ST8SIA2: variants seen among roughly 807,000 people sequenced by gnomAD.
ST8SIA2 encodes the protein alpha-2,8-sialyltransferase 8B.
A neutral mutation model predicts 37.6 loss-of-function variants in ST8SIA2; 22 were observed. The ratio of observed to expected loss-of-function variants is 0.58; its 90% CI spans 0.42 to 0.83. The LOEUF (loss-of-function observed/expected upper bound fraction) is 0.83. ST8SIA2 is among the 40% of genes least tolerant of loss of function. ST8SIA2 has a pLI of 0.00. For synonymous variants in ST8SIA2, 205 were observed against 201.2 expected, an observed-to-expected ratio of 1.02 and a Z score of -0.16; for missense variants, 382 against 484.7, an observed-to-expected ratio of 0.79 and a Z score of 1.99.
At chr15:92,434,407 G>T in intron 3 of ST8SIA2, 32 bp downstream of exon 3, 1 of 1,614,016 alleles carries the variant, frequency 6.2e-7, no homozygotes, top group Non-Finnish European at 8.5e-7. Context: ...ACAAGAGGTA[G>T]ACTTGGTCTT....
chr15:92,451,641 G>A (rs1049165753), intron 5 of ST8SIA2, among the ~76,000 whole-genome samples: 10 of 152,140 alleles, frequency 6.6e-5, no homozygotes, highest in Admixed American at 1.3e-4. Flanking sequence ...TGCTGCTCTC[G>A]ATGGCTTGCC....
chr15:92,448,716 T>C (rs899315835), intron 5 of ST8SIA2, among the ~76,000 whole-genome samples: 2 of 152,164 alleles, frequency 1.3e-5, no homozygotes, highest in African/African-American at 4.8e-5. Context: ...AGACTTGTCC[T>C]ATGGACTCAA....
intron 5 of ST8SIA2, among the ~76,000 whole-genome samples, chr15:92,454,876 A>G (rs1386315971): frequency 6.6e-6 from 1 of 152,096 alleles, no homozygotes; most frequent in African/African-American, 2.4e-5. Flanking sequence ...TAATTTAATT[A>G]CAACATCGAA....
chr15:92,444,587 A>C (rs1290806469), intron 4 of ST8SIA2, 49 bp from the exon 5 acceptor site: 1 of 1,612,370 alleles, frequency 6.2e-7, no homozygotes, highest in South Asian at 1.1e-5. Flanking sequence ...AAACAGAGGA[A>C]GGGGTCTCAG....
chr15:92,429,633 G>A (rs2049700564), intron 1 of ST8SIA2, among the ~76,000 whole-genome samples: 1 of 152,260 alleles, frequency 6.6e-6, no homozygotes, highest in Non-Finnish European at 1.5e-5. Context: ...ATGGACAACA[G>A]CTCACTACAT....
intron 4 of ST8SIA2, among the ~76,000 whole-genome samples, chr15:92,443,781 T>C (rs1482127582): frequency 6.6e-6 from 1 of 152,180 alleles, no homozygotes; most frequent in African/African-American, 2.4e-5. Context: ...TGCTCTAGCA[T>C]GGTATTCCTA....
chr15:92,458,598 G>T (rs956612281), intron 5 of ST8SIA2, among the ~76,000 whole-genome samples: 1 of 152,112 alleles, frequency 6.6e-6, no homozygotes, highest in African/African-American at 2.4e-5. Context: ...CACTTCTTCC[G>T]CAGTCATAGT....
chr15:92,402,000 T>G (rs1005856712), intron 1 of ST8SIA2, among the ~76,000 whole-genome samples: 18 of 152,180 alleles, frequency 1.2e-4, no homozygotes, highest in Admixed American at 1.2e-3. Flanking sequence ...TTCTATATTC[T>G]GAGATAATGT....
chr15:92,439,846 GAGA>G (rs779350456), intron 4 of ST8SIA2, among the ~76,000 whole-genome samples: 1 of 152,086 alleles, frequency 6.6e-6, no homozygotes, highest in African/African-American at 2.4e-5. Context: ...TTGGAAGCCA[GAGA>G]AGGAGTGACG....
chr15:92,407,409 C>T (rs894486021), intron 1 of ST8SIA2, among the ~76,000 whole-genome samples: 6 of 152,182 alleles, frequency 3.9e-5, no homozygotes, highest in South Asian at 2.1e-4. Flanking sequence ...AGGCTTGACC[C>T]GGTGCTGGAG....
At chr15:92,438,933 G>A (rs1418010580) in intron 4 of ST8SIA2, among the ~76,000 whole-genome samples, 3 of 152,212 alleles carry the variant, frequency 2.0e-5, no homozygotes, top group African/African-American at 7.2e-5. Context: ...ATGCTGGCCT[G>A]CAGCCTAAAG....
chr15:92,424,148 G>A (rs1258706446), intron 1 of ST8SIA2, among the ~76,000 whole-genome samples: 1 of 152,184 alleles, frequency 6.6e-6, no homozygotes, highest in African/African-American at 2.4e-5. Flanking sequence ...CTATTCTCAA[G>A]ACTAATCACC....
intron 5 of ST8SIA2, among the ~76,000 whole-genome samples, chr15:92,461,074 A>G (rs1333719777): frequency 3.9e-5 from 6 of 152,214 alleles, no homozygotes; most frequent in Non-Finnish European, 1.5e-5. Context: ...CAAACGAGAC[A>G]TTTAGCCCAG....
intron 1 of ST8SIA2, among the ~76,000 whole-genome samples, chr15:92,427,713 G>A (rs1159184341): frequency 6.6e-6 from 1 of 152,196 alleles, no homozygotes; most frequent in Non-Finnish European, 1.5e-5. Flanking sequence ...GCTGGGTGCA[G>A]TAGCTCCTCC....
rs142373966 is a variant in ST8SIA2, at chr15:92,466,090, C to T, written c.*1705C>T. 6 of 152,124 alleles carry T rather than the reference C, an allele frequency of 3.9e-5. No individual in the cohort carries two copies. The highest frequency in any genetic ancestry group is 1.9e-4 in the East Asian group (1 of 5,158). The allele number at this position is 152,124 out of a possible 1,614,324, so 9.4% of individuals were successfully genotyped here. ...CCTTGGCTCTAAATTAATGGTTGAC[C>T]GGAAGGGATTGGAGGCGGCAGAACC... On this transcript the variant is annotated 3_prime_UTR_variant, in exon 6 of 6. Coordinates refer to ENST00000268164, the MANE Select transcript of ST8SIA2 (RefSeq NM_006011.4).
intron 1 of ST8SIA2, among the ~76,000 whole-genome samples, chr15:92,398,839 T>A (rs1166792293): frequency 2.0e-5 from 3 of 152,228 alleles, no homozygotes; most frequent in African/African-American, 7.2e-5. Context: ...GCTAATAATG[T>A]TAACGAATAT....
chr15:92,395,695 C>T (rs1225169946), intron 1 of ST8SIA2, among the ~76,000 whole-genome samples: 1 of 152,324 alleles, frequency 6.6e-6, no homozygotes, highest in Non-Finnish European at 1.5e-5. Flanking sequence ...GGGCAAGTCA[C>T]GTCTTGGGGT....
chr15:92,401,857 G>A (rs539047723), intron 1 of ST8SIA2, among the ~76,000 whole-genome samples: 2 of 151,432 alleles, frequency 1.3e-5, no homozygotes, highest in Admixed American at 1.3e-4. Flanking sequence ...GAACCCCTAG[G>A]TCAGTGGTTC....
In ST8SIA2 at chr15:92,464,745, G is replaced by A. The variant is rs2049980989; in HGVS notation, c.*360G>A. ...GCCTCCTGGCTTGGAGGGATCTTTG[G>A]GCTCATGGATGAATGGCGAGCCACC... On this transcript the variant is annotated 3_prime_UTR_variant, in exon 6 of 6. Transcript: ENST00000268164. The A allele has an allele frequency of 7.3e-6, 2 of 275,262 alleles. No homozygotes were observed. Among genetic ancestry groups the A allele is most frequent in the Non-Finnish European group, 7.0e-6 (1 of 143,104 alleles). The allele number at this position is 275,262 out of a possible 1,614,324, so 17.1% of individuals were successfully genotyped here. A position where few individuals can be genotyped will look rare whatever the true frequency, so the allele number is the denominator to read the frequency against.
Sources: gnomAD v4.1 joint callset for allele counts (sites outside exome capture counted in the v4.1 genomes callset) on GRCh38, gnomAD v4.1.1 for gene constraint, MANE v1.5 for transcripts, NCBI Gene and HGNC (gene_info 2026-07-23, HGNC 2026-07-21) for gene names.